The following RBFOX3 variants were observed in gnomAD, a reference collection of about 807,000 sequenced individuals.
The protein encoded by RBFOX3 is RNA binding protein fox-1 homolog 3.
In RBFOX3, 17 loss-of-function variants were observed where a neutral mutation model predicts 48.7. The observed-to-expected ratio is 0.35, with a 90% CI of 0.24 to 0.52. The LOEUF (loss-of-function observed/expected upper bound fraction) is 0.52. Ranked by LOEUF, RBFOX3 falls within the 20% of genes least tolerant of loss-of-function variation. The pLI, the probability that RBFOX3 is intolerant of heterozygous loss-of-function variation, is 0.94. For synonymous variants in RBFOX3, 212 were observed against 209.5 expected, an observed-to-expected ratio of 1.01 and a Z score of -0.10; for missense variants, 382 against 497.5, an observed-to-expected ratio of 0.77 and a Z score of 2.21.
the RBFOX3 span, among the ~76,000 whole-genome samples, chr17:79,616,131 G>A: frequency 1.3e-5 from 2 of 152,198 alleles, no homozygotes; most frequent in East Asian, 1.9e-4. Flanking sequence ...GGCCAGCACC[G>A]ACGGCCCGTT....
intron 3 of RBFOX3, among the ~76,000 whole-genome samples, chr17:79,237,477 C>T (rs996134870): frequency 5.3e-5 from 8 of 152,228 alleles, no homozygotes; most frequent in African/African-American, 7.2e-5. Context: ...TCAGCTGGCC[C>T]GTCCCCCAGA....
Position 79,486,828 on chromosome 17 carries a change from C to T in RBFOX3, c.-319-4230G>A, listed in dbSNP as rs1370219623. Among the ~76,000 whole-genome samples the T allele has an allele frequency of 2.6e-5, 4 of 152,182 alleles. No homozygotes were observed. In the East Asian group the frequency reaches 7.7e-4, roughly 29 times the overall value. On this transcript the variant is annotated intron_variant, in intron 1 of 14. Coordinates refer to ENST00000693108, the MANE Select transcript of RBFOX3 (RefSeq NM_001350451.2). The stretch of plus-strand genomic sequence containing the variant: ...AAGACTCCTGTGCCCGCATCTGCAG[C>T]TGGCCAGTTTCCTCTTCGCAGCTCT...
intron 3 of RBFOX3, among the ~76,000 whole-genome samples, chr17:79,269,702 C>G (rs905935965): frequency 6.6e-6 from 1 of 152,098 alleles, no homozygotes; most frequent in Non-Finnish European, 1.5e-5. Flanking sequence ...CCTGGCGGGG[C>G]CTGGGTCTTT....
At chr17:79,657,990 T>C in the RBFOX3 span, among the ~76,000 whole-genome samples, 10 of 152,218 alleles carry the variant, frequency 6.6e-5, 1 homozygote, top group South Asian at 1.2e-3. Context: ...AGGCTCACTT[T>C]AGTGGAGAGA....
At chr17:79,653,290 G>A in the RBFOX3 span, among the ~76,000 whole-genome samples, 6 of 152,200 alleles carry the variant, frequency 3.9e-5, no homozygotes, top group African/African-American at 1.4e-4. Flanking sequence ...GAGTGCCAGG[G>A]CACAGGTCTG....
At position 79,573,048 on chromosome 17, in the gene RBFOX3, C is replaced by A. The variant is rs985106479; in HGVS notation, c.-320+37778G>T. Among the ~76,000 whole-genome samples, 31 of 152,334 alleles carry A rather than the reference C, an allele frequency of 2.0e-4. No individual in the cohort carries two copies. In the South Asian group the frequency reaches 3.7e-3, roughly 18 times the overall value. On this transcript the variant is annotated intron_variant, in intron 1 of 14. Transcript: ENST00000693108. ...TATCTGCAATTCCAGTTTACCTGGG[C>A]GTCCTGGGTACACCTGGCAGCCCTG...
chr17:79,560,505 C>G (rs943770491), intron 1 of RBFOX3, among the ~76,000 whole-genome samples: 43 of 152,254 alleles, frequency 2.8e-4, no homozygotes, highest in Admixed American at 2.8e-3. Flanking sequence ...TTTATGTTTA[C>G]CAGGACGGTG....
At chr17:79,512,961 G>T (rs1599006584) in intron 1 of RBFOX3, among the ~76,000 whole-genome samples, 1 of 145,686 alleles carries the variant, frequency 6.9e-6, no homozygotes, top group East Asian at 2.1e-4. Flanking sequence ...CATGGCCAGG[G>T]GACACCCACC....
At chr17:79,436,470 C>T (rs1302263482) in intron 2 of RBFOX3, among the ~76,000 whole-genome samples, 7 of 152,154 alleles carry the variant, frequency 4.6e-5, no homozygotes, top group South Asian at 2.1e-4. Flanking sequence ...GCCCCATGGG[C>T]GGGACAGGGC....
intron 4 of RBFOX3, among the ~76,000 whole-genome samples, chr17:79,225,850 G>A (rs757159279): frequency 6.6e-6 from 1 of 152,166 alleles, no homozygotes; most frequent in Non-Finnish European, 1.5e-5. Flanking sequence ...CTGCACTCCT[G>A]GGCTTTACCC....
At chr17:79,145,780 C>A (rs1331168434) in intron 4 of RBFOX3, among the ~76,000 whole-genome samples, 1 of 152,026 alleles carries the variant, frequency 6.6e-6, no homozygotes, top group Non-Finnish European at 1.5e-5. Context: ...GCGGCCCACA[C>A]GGGGGCTCTC....
In RBFOX3 at chr17:79,480,238, G is replaced by A. The variant is rs113711150; in HGVS notation, c.-175+2216C>T. On this transcript the variant is annotated intron_variant, in intron 2 of 14. Coordinates refer to ENST00000693108, the MANE Select transcript of RBFOX3 (RefSeq NM_001350451.2). The surrounding 1 kb of genome is among the most constrained non-coding windows in gnomAD (Gnocchi z 4.8). The stretch of plus-strand genomic sequence containing the variant: ...CCCGAGGGGGCCCCTGATGGTTTAC[G>A]GAATGGGGTGACAGCCGTTTCAGCA... Among the ~76,000 whole-genome samples, 3 of 152,142 alleles carry A rather than the reference G, an allele frequency of 2.0e-5. No individual in the cohort carries two copies. The highest frequency in any genetic ancestry group is 4.4e-5 in the Non-Finnish European group (3 of 68,022).
intron 3 of RBFOX3, among the ~76,000 whole-genome samples, chr17:79,259,969 C>T (rs2065484393): frequency 6.6e-6 from 1 of 152,062 alleles, no homozygotes; most frequent in South Asian, 2.1e-4. Context: ...GGCTGGGCAG[C>T]CAGATGCTGA....
the RBFOX3 span, among the ~76,000 whole-genome samples, chr17:79,623,309 C>G: frequency 6.6e-6 from 1 of 152,194 alleles, no homozygotes; most frequent in African/African-American, 2.4e-5. Flanking sequence ...ACAGCCTGGG[C>G]GCTGAGTTTG....
intron 4 of RBFOX3, among the ~76,000 whole-genome samples, chr17:79,185,101 ATCT>A (rs142731455): frequency 0.045 from 6,904 of 151,860 alleles, 544 homozygotes; most frequent in African/African-American, 0.16. Context: ...CCCCTTGTTC[ATCT>A]TCTTCGTAGA....
At chr17:79,090,927 G>A (rs577425592) in intron 14 of RBFOX3, 42 bp from the exon 15 acceptor site, 9 of 1,533,502 alleles carry the variant, frequency 5.9e-6, no homozygotes, top group Non-Finnish European at 7.9e-6. Context: ...GCTTCTCGGG[G>A]GAGGCACAGC....
At chr17:79,359,007 C>T (rs934836499) in intron 2 of RBFOX3, among the ~76,000 whole-genome samples, 1 of 152,262 alleles carries the variant, frequency 6.6e-6, no homozygotes, top group Non-Finnish European at 1.5e-5. Flanking sequence ...GCCCCACACC[C>T]AGCCCAGGGA....
intron 1 of RBFOX3, among the ~76,000 whole-genome samples, chr17:79,504,285 C>G (rs1421521945): frequency 6.6e-6 from 1 of 152,256 alleles, no homozygotes; most frequent in Non-Finnish European, 1.5e-5. Flanking sequence ...TAGCTTCTCC[C>G]TCGCCGAGTC....
At chr17:79,428,865 C>T (rs2067885632) in intron 2 of RBFOX3, among the ~76,000 whole-genome samples, 1 of 152,220 alleles carries the variant, frequency 6.6e-6, no homozygotes, top group South Asian at 2.1e-4. Context: ...GTTCTAGGGA[C>T]CTTGTATAAG....
Sources: allele counts gnomAD v4.1 joint callset (sites outside exome capture counted in the v4.1 genomes callset), GRCh38; gene constraint gnomAD v4.1.1; non-coding constraint Gnocchi (gnomAD v3.1); transcripts MANE v1.5; gene names NCBI Gene and HGNC (gene_info 2026-07-23, HGNC 2026-07-21).